PGM2L1: variants seen among roughly 807,000 people sequenced by gnomAD.
PGM2L1 encodes the protein phosphoglucomutase 2 like 1.
PGM2L1 carries 35 observed loss-of-function variants against 73.4 expected under a neutral mutation model. That is an observed-to-expected ratio of 0.48 (90% CI 0.36 to 0.63). The LOEUF (loss-of-function observed/expected upper bound fraction) is 0.63. PGM2L1 is among the 30% of genes least tolerant of loss of function. PGM2L1 has a pLI of 0.00. For missense variants in PGM2L1, 570 were observed against 742.0 expected, an observed-to-expected ratio of 0.77 and a Z score of 2.69; for synonymous variants, 225 against 253.8, an observed-to-expected ratio of 0.89 and a Z score of 1.08.
intron 4 of PGM2L1, among the ~76,000 whole-genome samples, chr11:74,369,556 C>A (rs1315859727): frequency 6.6e-6 from 1 of 152,020 alleles, no homozygotes; most frequent in Non-Finnish European, 1.5e-5. Context: ...ACAAAAAAAA[C>A]CTTCATATTA....
intron 5 of PGM2L1, among the ~76,000 whole-genome samples, chr11:74,352,035 G>A (rs1862366140): frequency 1.3e-5 from 2 of 151,538 alleles, no homozygotes; most frequent in East Asian, 1.9e-4. Context: ...TGTCAACATA[G>A]GAGGACTAAT....
intron 5 of PGM2L1, 100 bp downstream of exon 5, chr11:74,368,392 C>T (rs1288656231): frequency 4.2e-5 from 42 of 1,010,434 alleles, no homozygotes; most frequent in Non-Finnish European, 5.6e-5. Flanking sequence ...TTCCCAATGT[C>T]TAGCTCTGCT....
chr11:74,387,554 TCCTGCTCAGTTTCATTTC>T (rs1863035179), intron 1 of PGM2L1, among the ~76,000 whole-genome samples: 1 of 152,216 alleles, frequency 6.6e-6, no homozygotes, highest in Admixed American at 6.5e-5. Flanking sequence ...TCTGCATGCC[TCCTGCTCAGTTTCATTTC>T]CCTGATCAGT....
At position 74,333,568 on chromosome 11, in the gene PGM2L1, G is replaced by A. The variant is rs769855439; in HGVS notation, c.*3084C>T. ...CAACATCCTAGCAGGAACTGAATCCGTAAAAGGGATACTTTTTCTCACCTC... is the reference window on the plus strand; with the variant it reads ...CAACATCCTAGCAGGAACTGAATCCATAAAAGGGATACTTTTTCTCACCTC... On this transcript the variant is annotated 3_prime_UTR_variant, in exon 14 of 14. Transcript: ENST00000298198. The A allele has an allele frequency of 2.0e-5, 3 of 152,114 alleles. No individual in the cohort carries two copies. The highest frequency in any genetic ancestry group is 6.5e-5 in the Admixed American group (1 of 15,276). The allele number at this position is 152,114 out of a possible 1,614,324, so 9.4% of individuals were successfully genotyped here. A position where few individuals can be genotyped will look rare whatever the true frequency, so the allele number is the denominator to read the frequency against.
intron 1 of PGM2L1, among the ~76,000 whole-genome samples, chr11:74,383,220 TA>T (rs60252845): frequency 8.0e-4 from 122 of 152,216 alleles, no homozygotes; most frequent in African/African-American, 2.5e-3. Context: ...AATAATGTAT[TA>T]AAAAATCACA....
At position 74,338,744 on chromosome 11, in the gene PGM2L1, T is replaced by C. The variant is rs946368628; in HGVS notation, c.1633-143A>G. 4.7e-6 allele frequency: 5 copies of C among 1,057,730 alleles called. No homozygotes were observed. In the African/African-American group the frequency reaches 7.9e-5, roughly 17 times the overall value. 65.5% of individuals were successfully genotyped at this position (1,057,730 alleles called of 1,614,324 possible). A position where few individuals can be genotyped will look rare whatever the true frequency, so the allele number is the denominator to read the frequency against. ...CAGAAATAGAAATTAGAATGGCAGT[T>C]GCCAAGGCAGGGGGTATAGGGAGTT... On this transcript the variant is annotated intron_variant, in intron 12 of 13. Transcript: ENST00000298198.
rs1398885046 is a variant in PGM2L1 at position 74,332,489 on chromosome 11, G to T, written c.*4163C>A. On this transcript the variant is annotated 3_prime_UTR_variant, in exon 14 of 14. Coordinates refer to ENST00000298198, the MANE Select transcript of PGM2L1 (RefSeq NM_173582.6). ...GCTTAAAGCATTCTGAATGAATACA[G>T]TTGAGATTTCTTATCAGTGAGGTAA... The T allele has an allele frequency of 1.3e-5, 2 of 152,650 alleles. No individual in the cohort carries two copies. Among genetic ancestry groups the T allele is most frequent in the Non-Finnish European group, 2.9e-5 (2 of 68,038 alleles). 9.5% of individuals were successfully genotyped at this position (152,650 alleles called of 1,614,324 possible). A position where few individuals can be genotyped will look rare whatever the true frequency, so the allele number is the denominator to read the frequency against.
At chr11:74,377,702 T>G (rs1862878201) in intron 1 of PGM2L1, among the ~76,000 whole-genome samples, 1 of 152,208 alleles carries the variant, frequency 6.6e-6, no homozygotes, top group Non-Finnish European at 1.5e-5. Flanking sequence ...ATATATCACT[T>G]TTTTATGGTT....
At chr11:74,340,972 C>T (rs1249382121) in intron 12 of PGM2L1, among the ~76,000 whole-genome samples, 1 of 152,088 alleles carries the variant, frequency 6.6e-6, no homozygotes, top group Non-Finnish European at 1.5e-5. Context: ...GTAAGCTGTT[C>T]TATTTGGCTG....
chr11:74,341,427 C>T (rs894227098), intron 12 of PGM2L1, among the ~76,000 whole-genome samples: 1 of 152,140 alleles, frequency 6.6e-6, no homozygotes, highest in African/African-American at 2.4e-5. Flanking sequence ...CGTGGTGGCT[C>T]ATGCCTGTAA....
intron 5 of PGM2L1, among the ~76,000 whole-genome samples, chr11:74,367,844 T>C (rs142758683): frequency 1.3e-5 from 2 of 152,210 alleles, no homozygotes; most frequent in Non-Finnish European, 2.9e-5. Context: ...TTCACTTAGC[T>C]GACCAGGGCC....
At chr11:74,382,178 T>G (rs982857188) in intron 1 of PGM2L1, among the ~76,000 whole-genome samples, 1 of 152,212 alleles carries the variant, frequency 6.6e-6, no homozygotes, top group Non-Finnish European at 1.5e-5. Flanking sequence ...ACTTAATGGT[T>G]TCAATCAATA....
intron 1 of PGM2L1, among the ~76,000 whole-genome samples, chr11:74,385,635 TC>T (rs1253434977): frequency 8.5e-5 from 13 of 152,138 alleles, no homozygotes; most frequent in African/African-American, 3.1e-4. Context: ...CAACTGAGAT[TC>T]CATAGTTTTA....
At position 74,330,933 on chromosome 11, in the gene PGM2L1, A is replaced by G. The variant is rs1862002075; in HGVS notation, c.*5719T>C. ...CTGCTTAATAAACATTACATTATAA[A>G]GTTCAGTGATGGGACTTCATTGAAA... On this transcript the variant is annotated 3_prime_UTR_variant, in exon 14 of 14. Transcript: ENST00000298198. The G allele has an allele frequency of 6.6e-6, 1 of 152,224 alleles. No individual in the cohort carries two copies. The highest frequency in any genetic ancestry group is 1.5e-5 in the Non-Finnish European group (1 of 68,040). The allele number at this position is 152,224 out of a possible 1,614,324, so 9.4% of individuals were successfully genotyped here.
intron 5 of PGM2L1, among the ~76,000 whole-genome samples, chr11:74,367,341 C>T (rs1862676269): frequency 6.6e-6 from 1 of 152,020 alleles, no homozygotes; most frequent in Non-Finnish European, 1.5e-5. Context: ...GACAGTGGAC[C>T]TATAATTCCT....
intron 8 of PGM2L1, among the ~76,000 whole-genome samples, chr11:74,346,270 CAAAAAAAAAAA>C (rs751742460): frequency 3.5e-5 from 2 of 57,888 alleles, no homozygotes; most frequent in East Asian, 6.3e-4. Context: ...ACTATGTCTC[CAAAAAAAAAAA>C]AAAAAAAAAA....
chr11:74,350,628 G>C lies in PGM2L1; in HGVS notation c.749+755C>G, dbSNP rs1248311158. On this transcript the variant is annotated intron_variant, in intron 6 of 13. Transcript: ENST00000298198. ...ATGGTGGCTCACACCTGTAATCCCA[G>C]CACCTTGGGAGGCTGAGGCAGGCGG... 2.0e-5 allele frequency among the ~76,000 whole-genome samples: 3 copies of C among 152,158 alleles called. No homozygotes were observed. In the East Asian group the frequency reaches 5.8e-4, roughly 29 times the overall value.
intron 1 of PGM2L1, among the ~76,000 whole-genome samples, chr11:74,389,320 GT>G (rs1863057350): frequency 6.6e-6 from 1 of 152,102 alleles, no homozygotes; most frequent in Non-Finnish European, 1.5e-5. Context: ...ATATTCTTTT[GT>G]TAATTCAATG....
rs559369539 is a variant in PGM2L1, at chr11:74,364,216, G to A, written c.555+4276C>T. Among the ~76,000 whole-genome samples, 87 of 152,080 alleles carry A rather than the reference G, an allele frequency of 5.7e-4. No individual in the cohort carries two copies. The Middle Eastern group carries it at 0.024, about 42-fold the overall frequency. On this transcript the variant is annotated intron_variant, in intron 5 of 13. Transcript: ENST00000298198. Reference sequence around the variant, plus strand: ...ATTAGGTATTAATGGGATGTATTTCGAAATAATAAGAGCTATTTATGACAA... The same window carrying A: ...ATTAGGTATTAATGGGATGTATTTCAAAATAATAAGAGCTATTTATGACAA...
Sources: allele counts gnomAD v4.1 joint callset (sites outside exome capture counted in the v4.1 genomes callset), GRCh38; gene constraint gnomAD v4.1.1; transcripts MANE v1.5; gene names NCBI Gene and HGNC (gene_info 2026-07-23, HGNC 2026-07-21).